ARHGEF37: variants seen among roughly 807,000 people sequenced by gnomAD.
ARHGEF37 encodes the protein Rho guanine nucleotide exchange factor (GEF) 37.
Under a neutral mutation model 71.1 loss-of-function variants are expected in ARHGEF37, and 55 were observed. The ratio of observed to expected loss-of-function variants is 0.77; its 90% CI spans 0.62 to 0.97. The LOEUF (loss-of-function observed/expected upper bound fraction) is 0.97, where lower values mean the gene tolerates loss of function less well. ARHGEF37 is among the 50% of genes least tolerant of loss of function. The probability of loss-of-function intolerance (pLI) is 0.00; values close to 1 mark genes in which losing one functional copy is unlikely to be tolerated. For missense variants in ARHGEF37, 765 were observed against 836.8 expected, an observed-to-expected ratio of 0.91 and a Z score of 1.06; for synonymous variants, 327 against 350.6, an observed-to-expected ratio of 0.93 and a Z score of 0.75.
Position 149,621,836 on chromosome 5 carries a change from A to G in ARHGEF37, c.1109A>G (p.Asp370Gly). Residue 370 changes from aspartate to glycine, a missense_variant, in exon 9 of 13, where the codon GAC (aspartate) becomes GGC (glycine). Transcript: ENST00000333677. ...LIKKRLDKLL[D>G]FERVEEKLLE... Reference sequence around the variant, plus strand: ...AAGAAGCGTCTGGACAAGCTACTGGACTTTGAGCGGGTGGAAGAGAAGCTG... The same window carrying G: ...AAGAAGCGTCTGGACAAGCTACTGGGCTTTGAGCGGGTGGAAGAGAAGCTG... 1 of 1,614,176 alleles carries G rather than the reference A, an allele frequency of 6.2e-7. No individual in the cohort carries two copies.
chr5:149,631,944 A>C (rs1561813930), intron 12 of ARHGEF37, 38 bp from the exon 13 acceptor site: 1 of 1,604,936 alleles, frequency 6.2e-7, no homozygotes, highest in South Asian at 1.1e-5. Flanking sequence ...CTACCTTCTC[A>C]CCCTGACCAT....
intron 6 of ARHGEF37, 135 bp downstream of exon 6, chr5:149,618,441 A>T: frequency 7.3e-7 from 1 of 1,366,700 alleles, no homozygotes; most frequent in South Asian, 1.4e-5. Flanking sequence ...TGCTGGGAAG[A>T]GGCAGAGGTG....
At chr5:149,598,761 TATAG>T (rs1554122095) in intron 2 of ARHGEF37, among the ~76,000 whole-genome samples, 37 of 75,776 alleles carry the variant, frequency 4.9e-4, no homozygotes, top group African/African-American at 1.7e-3. Context: ...TATATATAGA[TATAG>T]ATATAGATAT....
chr5:149,620,581 G>A (rs1326619040), intron 8 of ARHGEF37, 117 bp downstream of exon 8: 8 of 731,956 alleles, frequency 1.1e-5, no homozygotes, highest in African/African-American at 1.8e-5. Flanking sequence ...TGTAATCCCA[G>A]CACTTTGGGA....
intron 2 of ARHGEF37, 113 bp from the exon 3 acceptor site, chr5:149,600,995 A>G (rs542103876): frequency 2.3e-5 from 29 of 1,268,060 alleles, no homozygotes; most frequent in South Asian, 3.4e-5. Context: ...GGGGCAGCCA[A>G]TCTTCTCAGG....
In ARHGEF37 at chr5:149,632,371, T is replaced by A. The variant is rs755489945; in HGVS notation, c.*180T>A. On this transcript the variant is annotated 3_prime_UTR_variant, in exon 13 of 13. Coordinates refer to ENST00000333677, the MANE Select transcript of ARHGEF37 (RefSeq NM_001001669.3). ...GGGCCTCGCAGAGTGCTTGGTGTGGTGGGGGCACAGGAGGCTCCAGCCAGG... is the reference window on the plus strand; with the variant it reads ...GGGCCTCGCAGAGTGCTTGGTGTGGAGGGGGCACAGGAGGCTCCAGCCAGG... 8.9e-5 allele frequency: 59 copies of A among 661,430 alleles called. No homozygotes were observed. The highest frequency in any genetic ancestry group is 1.4e-4 in the Non-Finnish European group (55 of 392,734). 41.0% of individuals were successfully genotyped at this position (661,430 alleles called of 1,614,324 possible). A position where few individuals can be genotyped will look rare whatever the true frequency, so the allele number is the denominator to read the frequency against.
In ARHGEF37 at chr5:149,632,253, G is replaced by A. The variant is rs965960698; in HGVS notation, c.*62G>A. ...GGGAGGCTTAGAGGCTCTGACCCTGGGGGGAAAAGAAGCAAAGGAAAGGTG... is the reference window on the plus strand; with the variant it reads ...GGGAGGCTTAGAGGCTCTGACCCTGAGGGGAAAAGAAGCAAAGGAAAGGTG... On this transcript the variant is annotated 3_prime_UTR_variant, in exon 13 of 13. Coordinates refer to ENST00000333677, the MANE Select transcript of ARHGEF37 (RefSeq NM_001001669.3). 32 of 1,565,984 alleles carry A rather than the reference G, an allele frequency of 2.0e-5. No individual in the cohort carries two copies. The highest frequency in any genetic ancestry group is 3.6e-5 in the Admixed American group (2 of 55,884).
rs1752458585 is a variant in ARHGEF37, at chr5:149,619,012, C to A, written c.864C>A (p.Asn288Lys). Residue 288 changes from asparagine to lysine, a missense_variant, in exon 7 of 13, where the codon AAC becomes AAA. Coordinates refer to ENST00000333677, the MANE Select transcript of ARHGEF37 (RefSeq NM_001001669.3). The part of the protein sequence containing the change: ...WVSLCVTELK[N>K]NVAAYLDNLQ... ...CTCTGTGTGTGACTGAGCTGAAGAA[C>A]AACGTGGCTGCTTACCTGGACAATC... 6.2e-7 allele frequency: 1 copy of A among 1,614,024 alleles called. No homozygotes were observed. Among genetic ancestry groups the A allele is most frequent in the African/African-American group, 1.3e-5 (1 of 74,894 alleles).
In ARHGEF37 at chr5:149,601,159, A is replaced by G. The variant is rs771041255; in HGVS notation, c.238A>G (p.Lys80Glu). The change falls in exon 3 of 13, where the codon AAA (lysine) becomes GAA (glutamate). Residue 80 changes from lysine to glutamate, a missense_variant. Lys to Glu is a moderately conservative substitution (Grantham distance 56). Around this residue, in one of 5 missense-constraint regions of ARHGEF37, gnomAD observed 201 missense variants for 217.5 expected, o/e 0.92. Transcript: ENST00000333677. The stretch of plus-strand genomic sequence containing the variant: ...GTTCTCAAACATTGATGATATCATC[A>G]AAGTGAACAGCAGATTCCTCCATGA... Reference protein sequence around the residue: ...VLFSNIDDIIKVNSRFLHDLQ... With the variant: ...VLFSNIDDIIEVNSRFLHDLQ... The G allele has an allele frequency of 6.2e-7, 1 of 1,613,568 alleles. No homozygotes were observed. The highest frequency in any genetic ancestry group is 8.5e-7 in the Non-Finnish European group (1 of 1,179,528).
At position 149,621,942 on chromosome 5, in the gene ARHGEF37, G is replaced by T. The variant is rs777350001; in HGVS notation, c.1215G>T (p.Glu405Asp). ...CACTCAACTCGCTGCTAGTGGCTGAGCTCCCACAGTTTAACCAGCTGGTCA... is the reference window on the plus strand; with the variant it reads ...CACTCAACTCGCTGCTAGTGGCTGATCTCCCACAGTTTAACCAGCTGGTCA... The part of the protein sequence containing the change: ...YQALNSLLVA[E>D]LPQFNQLVMQ... The change falls in exon 9 of 13, where the codon GAG (glutamate) becomes GAT (aspartate). Residue 405 changes from glutamate to aspartate, a missense_variant. Physicochemically the swap from Glu to Asp is conservative, Grantham distance 45. Around this residue, in one of 5 missense-constraint regions of ARHGEF37, gnomAD observed 390 missense variants for 407.4 expected, o/e 0.96. Transcript: ENST00000333677. 1.2e-6 allele frequency: 2 copies of T among 1,614,128 alleles called. No homozygotes were observed. The highest frequency in any genetic ancestry group is 1.7e-5 in the Admixed American group (1 of 60,012).
At chr5:149,555,130 C>CAAAAAAAA (rs914879036) in intron 1 of ARHGEF37, among the ~76,000 whole-genome samples, 2 of 55,948 alleles carry the variant, frequency 3.6e-5, no homozygotes, top group East Asian at 5.6e-4. Flanking sequence ...GACTCTGTCT[C>CAAAAAAAA]AAAAAAAAAA....
chr5:149,595,355 T>A (rs1231823843), intron 1 of ARHGEF37, among the ~76,000 whole-genome samples: 1 of 151,860 alleles, frequency 6.6e-6, no homozygotes, highest in African/African-American at 2.4e-5. Context: ...ACAAAAAAAT[T>A]TTTTCTGTAG....
At chr5:149,568,219 G>A (rs915169439) in intron 1 of ARHGEF37, among the ~76,000 whole-genome samples, 1 of 151,914 alleles carries the variant, frequency 6.6e-6, no homozygotes, top group Admixed American at 6.6e-5. Context: ...TAGAGACAGG[G>A]TTTCGCCATA....
intron 1 of ARHGEF37, among the ~76,000 whole-genome samples, chr5:149,559,299 C>T (rs1224726551): frequency 1.3e-5 from 2 of 152,114 alleles, no homozygotes; most frequent in African/African-American, 4.8e-5. Flanking sequence ...CCAGCCTGGG[C>T]GACAGAACAA....
chr5:149,572,848 T>G (rs191444415), intron 1 of ARHGEF37, among the ~76,000 whole-genome samples: 5 of 152,326 alleles, frequency 3.3e-5, no homozygotes, highest in Admixed American at 6.5e-5. Flanking sequence ...TGGCCTACAC[T>G]GCAGATTTTG....
intron 1 of ARHGEF37, among the ~76,000 whole-genome samples, chr5:149,564,486 G>A (rs1762874659): frequency 6.6e-6 from 1 of 152,024 alleles, no homozygotes; most frequent in African/African-American, 2.4e-5. Flanking sequence ...AACACCCTGG[G>A]AAGGAAACTG....
intron 12 of ARHGEF37, among the ~76,000 whole-genome samples, chr5:149,629,830 C>T (rs1194939126): frequency 1.3e-5 from 2 of 152,184 alleles, no homozygotes; most frequent in Non-Finnish European, 2.9e-5. Context: ...ACAACGCGAG[C>T]TCTTTGTACA....
At chr5:149,607,543 C>T (rs1391883344) in intron 3 of ARHGEF37, among the ~76,000 whole-genome samples, 2 of 152,180 alleles carry the variant, frequency 1.3e-5, no homozygotes, top group East Asian at 3.8e-4. Flanking sequence ...GAAGAGACCA[C>T]CAAACAGGAT....
chr5:149,594,289 G>A (rs1192390693), intron 1 of ARHGEF37, among the ~76,000 whole-genome samples: 1 of 152,326 alleles, frequency 6.6e-6, no homozygotes, highest in East Asian at 1.9e-4. Context: ...GTTTTGAGTT[G>A]TGGAACCTGA....
Sources: gnomAD v4.1 joint callset for allele counts (sites outside exome capture counted in the v4.1 genomes callset) on GRCh38, gnomAD v4.1.1 for gene constraint, gnomAD v4.1.1 regional missense constraint, MANE v1.5 for transcripts, NCBI Gene and HGNC (gene_info 2026-07-23, HGNC 2026-07-21) for gene names.